RER1: variants seen among roughly 807,000 people sequenced by gnomAD.
The protein encoded by RER1 is retention in endoplasmic reticulum sorting receptor 1.
RER1 carries 6 observed loss-of-function variants against 28.3 expected under a neutral mutation model. The observed-to-expected ratio is 0.21, with a 90% CI of 0.12 to 0.42. The LOEUF (loss-of-function observed/expected upper bound fraction) is 0.42. Ranked by LOEUF, RER1 falls within the 10% of genes least tolerant of loss-of-function variation. The probability of loss-of-function intolerance (pLI) is 1.00; values close to 1 mark genes in which losing one functional copy is unlikely to be tolerated. For missense variants in RER1, 159 were observed against 252.9 expected (o/e 0.63, Z 2.52); for synonymous variants, 110 against 95.9 (o/e 1.15, Z -0.86).
In RER1 at chr1:2,403,736, ATATAT is replaced by A. The variant is rs954589154; in HGVS notation, c.*619_*623del. ...CTTTTGAGGGCCCGGAATTATAAAT[ATATAT>A]TATATTTTAATTGTTTGAGATTATT... On this transcript the variant is annotated 3_prime_UTR_variant, in exon 7 of 7. Coordinates refer to ENST00000605895, the MANE Select transcript of RER1 (RefSeq NM_007033.5). 7.2e-5 allele frequency: 11 copies of A among 152,554 alleles called. No homozygotes were observed. Among genetic ancestry groups the A allele is most frequent in the African/African-American group, 4.8e-5 (2 of 41,414 alleles). The allele number at this position is 152,554 out of a possible 1,614,324, so 9.5% of individuals were successfully genotyped here. A position where few individuals can be genotyped will look rare whatever the true frequency, so the allele number is the denominator to read the frequency against.
At chr1:2,393,757 C>T (rs989486481) in intron 1 of RER1, among the ~76,000 whole-genome samples, 2 of 152,228 alleles carry the variant, frequency 1.3e-5, no homozygotes, top group Non-Finnish European at 2.9e-5. Context: ...TCCTGCCGCC[C>T]TGCCTCAGGC....
At chr1:2,395,706 A>G (rs776067651) in intron 1 of RER1, 78 bp from the exon 2 acceptor site, 37 of 948,510 alleles carry the variant, frequency 3.9e-5, no homozygotes, top group Non-Finnish European at 5.9e-5. Flanking sequence ...CCTACTTGAC[A>G]GTGTTGGTGA....
At chr1:2,398,551 G>C (rs1407927628) in intron 3 of RER1, among the ~76,000 whole-genome samples, 3 of 152,088 alleles carry the variant, frequency 2.0e-5, no homozygotes, top group Admixed American at 6.5e-5. Flanking sequence ...ACCATGCCTG[G>C]CTAATTTTTG....
At chr1:2,393,575 C>T (rs934944503) in intron 1 of RER1, among the ~76,000 whole-genome samples, 2 of 152,124 alleles carry the variant, frequency 1.3e-5, no homozygotes, top group Non-Finnish European at 2.9e-5. Context: ...CACGGGCTGC[C>T]CACTGATTCC....
chr1:2,402,607 C>T (rs1364557085), intron 6 of RER1, among the ~76,000 whole-genome samples: 2 of 152,212 alleles, frequency 1.3e-5, no homozygotes, highest in Non-Finnish European at 2.9e-5. Flanking sequence ...CCGGCGAGTG[C>T]AGTGTCCCGG....
At position 2,393,433 on chromosome 1, in the gene RER1, C is replaced by T. The variant is rs79854931; in HGVS notation, c.-8+1475C>T. 1.8e-3 allele frequency among the ~76,000 whole-genome samples: 277 copies of T among 152,108 alleles called. 5 individuals are homozygous for T. In the East Asian group the frequency reaches 0.034, roughly 18 times the overall value. On this transcript the variant is annotated intron_variant, in intron 1 of 6. Coordinates refer to ENST00000605895, the MANE Select transcript of RER1 (RefSeq NM_007033.5). The stretch of plus-strand genomic sequence containing the variant: ...GACTGGGGGTCAGTGTGGGCGGTAA[C>T]GGAGGCCTGTGAAGAGGAGGTGGGC...
intron 3 of RER1, among the ~76,000 whole-genome samples, chr1:2,397,597 G>A (rs1053143595): frequency 4.6e-5 from 7 of 151,314 alleles, no homozygotes; most frequent in African/African-American, 2.4e-5. Flanking sequence ...TGCCTTGGGT[G>A]TCATGAATGA....
chr1:2,397,583 T>A lies in RER1; in HGVS notation c.186+363T>A, dbSNP rs572578582. Among the ~76,000 whole-genome samples, 7 of 152,104 alleles carry A rather than the reference T, an allele frequency of 4.6e-5. No homozygotes were observed. The East Asian group carries it at 1.4e-3, about 29-fold the overall frequency. ...GCTGCCTCATTCCTTGGGTGAAGAG[T>A]CCATGCCTTGGGTGTCATGAATGAC... On this transcript the variant is annotated intron_variant, in intron 3 of 6. Coordinates refer to ENST00000605895, the MANE Select transcript of RER1 (RefSeq NM_007033.5).
In RER1 at chr1:2,403,181, A is replaced by G; in HGVS notation, c.*57A>G. 2 of 1,369,942 alleles carry G rather than the reference A, an allele frequency of 1.5e-6. No homozygotes were observed. Among genetic ancestry groups the G allele is most frequent in the Non-Finnish European group, 2.1e-6 (2 of 959,626 alleles). 84.9% of individuals were successfully genotyped at this position (1,369,942 alleles called of 1,614,324 possible). The stretch of plus-strand genomic sequence containing the variant: ...AGAACAGTTTTGAGCCATTGTTAAC[A>G]ATGCCTTTTTTCTTCACATAAAGTA... On this transcript the variant is annotated 3_prime_UTR_variant, in exon 7 of 7. Coordinates refer to ENST00000605895, the MANE Select transcript of RER1 (RefSeq NM_007033.5).
At position 2,403,474 on chromosome 1, in the gene RER1, C is replaced by G. The variant is rs777391997; in HGVS notation, c.*350C>G. 5.0e-5 allele frequency: 15 copies of G among 301,308 alleles called. No individual in the cohort carries two copies. The highest frequency in any genetic ancestry group is 9.7e-5 in the Non-Finnish European group (15 of 155,338). The allele number at this position is 301,308 out of a possible 1,614,324, so 18.7% of individuals were successfully genotyped here. On this transcript the variant is annotated 3_prime_UTR_variant, in exon 7 of 7. Coordinates refer to ENST00000605895, the MANE Select transcript of RER1 (RefSeq NM_007033.5). ...GCAAGGCCTGCGAGGGAGGAACGGG[C>G]CGCTCCCCGCCAGCCGCCTTCCCCA...
At chr1:2,395,746 T>A (rs1212400329) in intron 1 of RER1, 38 bp from the exon 2 acceptor site, 1 of 1,451,088 alleles carries the variant, frequency 6.9e-7, no homozygotes, top group Non-Finnish European at 9.7e-7. Flanking sequence ...CACCCGTGAA[T>A]GCTTTTTACT....
rs774317351 is a variant in RER1 at position 2,397,130 on chromosome 1, G to C, written c.96G>C (p.Trp32Cys). The C allele has an allele frequency of 6.2e-7, 1 of 1,612,542 alleles. No individual in the cohort carries two copies. Among genetic ancestry groups the C allele is most frequent in the Non-Finnish European group, 8.5e-7 (1 of 1,178,626 alleles). ...FTRLGQIYQSWLDKSTPYTAV... is the reference protein window; with the variant it reads ...FTRLGQIYQSCLDKSTPYTAV... ...TGTCTTTCTAGATTTATCAGTCCTG[G>C]CTAGACAAGTCCACACCCTACACGG... The change falls in exon 3 of 7, where the codon TGG becomes TGC. Residue 32 changes from tryptophan (W) to cysteine (C), a missense_variant. Transcript: ENST00000605895.
intron 3 of RER1, among the ~76,000 whole-genome samples, chr1:2,398,668 C>T (rs1453506683): frequency 2.6e-5 from 4 of 152,226 alleles, no homozygotes; most frequent in East Asian, 1.9e-4. Context: ...GGATTGCAGG[C>T]GTGAGCCACC....
intron 2 of RER1, 81 bp from the exon 3 acceptor site, chr1:2,397,035 T>A (rs1642777118): frequency 1.1e-6 from 1 of 873,546 alleles, no homozygotes. Flanking sequence ...AAGCCAACCC[T>A]AGCAGAAGGT....
intron 1 of RER1, chr1:2,395,560 G>T (rs542884828): frequency 3.7e-6 from 2 of 533,358 alleles, no homozygotes; most frequent in Non-Finnish European, 6.8e-6. Flanking sequence ...ATGAAAATGC[G>T]GCCTGTGCTC....
intron 5 of RER1, among the ~76,000 whole-genome samples, chr1:2,401,159 G>C (rs1047531164): frequency 6.6e-5 from 10 of 151,654 alleles, no homozygotes; most frequent in Non-Finnish European, 1.2e-4. Context: ...GATGGAGTGC[G>C]CACCGGCTTC....
intron 3 of RER1, 80 bp downstream of exon 3, chr1:2,397,300 A>G (rs1312977717): frequency 1.1e-6 from 1 of 931,312 alleles, no homozygotes; most frequent in Non-Finnish European, 1.8e-6. Flanking sequence ...TTGTTGATCC[A>G]GTCTGTCTTG....
chr1:2,394,352 C>T (rs1005483839), intron 1 of RER1: 1 of 152,244 alleles, frequency 6.6e-6, no homozygotes, highest in Non-Finnish European at 1.5e-5. Flanking sequence ...TTCAGCGCAT[C>T]AGTTGTGATG....
Position 2,399,395 on chromosome 1 carries a change from T to C in RER1, c.187-20T>C, listed in dbSNP as rs764477444. 4 of 1,531,574 alleles carry C rather than the reference T, an allele frequency of 2.6e-6. No homozygotes were observed. Among genetic ancestry groups the C allele is most frequent in the East Asian group, 2.2e-5 (1 of 44,478 alleles). The allele number at this position is 1,531,574 out of a possible 1,614,324, so 94.9% of individuals were successfully genotyped here. On this transcript the variant is annotated intron_variant, in intron 3 of 6. Transcript: ENST00000605895. ...TGGACGGTCAGAGTGCACCACTGAC[T>C]CTCTTTCCTTCTCTTTCAGGGTTGG...
Sources: gnomAD v4.1 joint callset for allele counts (sites outside exome capture counted in the v4.1 genomes callset) on GRCh38, gnomAD v4.1.1 for gene constraint, MANE v1.5 for transcripts, NCBI Gene and HGNC (gene_info 2026-07-23, HGNC 2026-07-21) for gene names.